The following SBF2 variants were observed in gnomAD, a reference collection of about 807,000 sequenced individuals.
SBF2 encodes the protein SET binding factor 2.
Under a neutral mutation model 225.2 loss-of-function variants are expected in SBF2, and 112 were observed. That is an observed-to-expected ratio of 0.50 (90% CI 0.43 to 0.58). The LOEUF is 0.58. Ranked by LOEUF, SBF2 falls within the 20% of genes least tolerant of loss-of-function variation. The pLI is 0.00. For synonymous variants in SBF2, 763 were observed against 773.3 expected, an observed-to-expected ratio of 0.99 and a Z score of 0.22; for missense variants, 1,996 against 2,206.2, an observed-to-expected ratio of 0.90 and a Z score of 1.91.
At chr11:10,154,960 G>A (rs914663982) in intron 2 of SBF2, among the ~76,000 whole-genome samples, 3 of 152,044 alleles carry the variant, frequency 2.0e-5, no homozygotes, top group African/African-American at 7.2e-5. Context: ...AAGAATGAAA[G>A]TTACCCAGTT....
At chr11:9,938,074 G>A (rs923536216) in intron 16 of SBF2, among the ~76,000 whole-genome samples, 3 of 151,948 alleles carry the variant, frequency 2.0e-5, no homozygotes, top group East Asian at 1.9e-4. Flanking sequence ...GGCGGATCAC[G>A]CGGTCAGGAG....
At chr11:9,905,448 G>T (rs1398312984) in intron 16 of SBF2, among the ~76,000 whole-genome samples, 1 of 152,106 alleles carries the variant, frequency 6.6e-6, no homozygotes, top group Non-Finnish European at 1.5e-5. Context: ...TTTGAATAAC[G>T]ATTTTCATTT....
intron 17 of SBF2, among the ~76,000 whole-genome samples, chr11:9,868,381 G>A (rs1858424304): frequency 1.3e-5 from 2 of 149,464 alleles, no homozygotes; most frequent in Non-Finnish European, 3.0e-5. Flanking sequence ...AGGCGGGTGT[G>A]GTGGCGGGCG....
At chr11:10,274,233 T>A (rs895732341) in intron 1 of SBF2, among the ~76,000 whole-genome samples, 3 of 152,166 alleles carry the variant, frequency 2.0e-5, no homozygotes, top group Non-Finnish European at 4.4e-5. Context: ...AGGCAGGCGC[T>A]CCTTCCGCTG....
chr11:10,109,156 T>C (rs1952717925), intron 2 of SBF2, among the ~76,000 whole-genome samples: 1 of 151,946 alleles, frequency 6.6e-6, no homozygotes, highest in Non-Finnish European at 1.5e-5. Context: ...GGCATTTTTT[T>C]CTATTCCACA....
chr11:10,033,185 T>C (rs1389170923), intron 3 of SBF2, among the ~76,000 whole-genome samples: 1 of 152,196 alleles, frequency 6.6e-6, no homozygotes, highest in Non-Finnish European at 1.5e-5. Flanking sequence ...ATCATATTCT[T>C]CATGGATTAC....
At chr11:9,870,483 C>G (rs1393470143) in intron 17 of SBF2, among the ~76,000 whole-genome samples, 1 of 152,190 alleles carries the variant, frequency 6.6e-6, no homozygotes, top group Non-Finnish European at 1.5e-5. Context: ...ACCCAAACAG[C>G]ATGGTATTGG....
At chr11:9,984,035 A>C (rs140262531) in intron 13 of SBF2, among the ~76,000 whole-genome samples, 5 of 152,298 alleles carry the variant, frequency 3.3e-5, no homozygotes, top group African/African-American at 4.8e-5. Context: ...ACATCCCCCC[A>C]AAAATCACAC....
At chr11:10,134,859 G>T (rs1228932398) in intron 2 of SBF2, among the ~76,000 whole-genome samples, 1 of 152,208 alleles carries the variant, frequency 6.6e-6, no homozygotes, top group African/African-American at 2.4e-5. Context: ...GCTGTCGGTG[G>T]ATCTACCATT....
chr11:10,214,849 A>T (rs1156540090), intron 1 of SBF2, among the ~76,000 whole-genome samples: 2 of 152,328 alleles, frequency 1.3e-5, no homozygotes, highest in East Asian at 3.9e-4. Flanking sequence ...ATGGTCCAGG[A>T]TCAGAATCCA....
intron 2 of SBF2, among the ~76,000 whole-genome samples, chr11:10,081,082 C>T (rs1951346455): frequency 1.3e-5 from 2 of 152,016 alleles, no homozygotes; most frequent in Non-Finnish European, 2.9e-5. Flanking sequence ...GGACTTTAGA[C>T]CAAGTGGACC....
At chr11:10,060,275 C>A (rs1590861439) in intron 2 of SBF2, among the ~76,000 whole-genome samples, 1 of 152,044 alleles carries the variant, frequency 6.6e-6, no homozygotes. Context: ...AACTAGAAAA[C>A]CTTGAAGAGA....
chr11:10,019,358 G>C (rs1216982528), intron 6 of SBF2, among the ~76,000 whole-genome samples: 3 of 152,176 alleles, frequency 2.0e-5, no homozygotes, highest in African/African-American at 7.2e-5. Flanking sequence ...AAGTGCCCCA[G>C]AGTGGGCTAG....
intron 1 of SBF2, among the ~76,000 whole-genome samples, chr11:10,283,039 T>C (rs181979142): frequency 1.3e-5 from 2 of 152,348 alleles, no homozygotes; most frequent in Admixed American, 1.3e-4. Flanking sequence ...CAAATGTTTA[T>C]GCATACCATA....
chr11:10,186,953 T>C (rs1428257933), intron 2 of SBF2, among the ~76,000 whole-genome samples: 1 of 152,168 alleles, frequency 6.6e-6, no homozygotes, highest in Admixed American at 6.5e-5. Flanking sequence ...AGGGAAACAA[T>C]CTTTGGATTC....
chr11:9,863,973 A>G (rs1460436536), intron 17 of SBF2, among the ~76,000 whole-genome samples: 1 of 152,208 alleles, frequency 6.6e-6, no homozygotes, highest in African/African-American at 2.4e-5. Flanking sequence ...TATATAACTC[A>G]TATTTCATCT....
intron 22 of SBF2, 52 bp from the exon 23 acceptor site, chr11:9,847,135 T>TAGAGTAAAAGTA: frequency 6.2e-7 from 1 of 1,607,388 alleles, no homozygotes. Context: ...AGCTCACTTT[T>TAGAGTAAAAGTA]AGAGTGTCTA....
chr11:10,036,926 C>A (rs1034250537), intron 3 of SBF2, among the ~76,000 whole-genome samples: 2 of 152,114 alleles, frequency 1.3e-5, no homozygotes, highest in African/African-American at 2.4e-5. Flanking sequence ...CCCTTCCTAG[C>A]CTGAAATAGT....
intron 2 of SBF2, among the ~76,000 whole-genome samples, chr11:10,191,535 A>C (rs746852837): frequency 2.0e-5 from 3 of 152,232 alleles, no homozygotes; most frequent in Non-Finnish European, 4.4e-5. Context: ...GAAAAGGAAA[A>C]AGAAAATTTC....
Sources: gnomAD v4.1 joint callset for allele counts (sites outside exome capture counted in the v4.1 genomes callset) on GRCh38, gnomAD v4.1.1 for gene constraint, MANE v1.5 for transcripts, NCBI Gene and HGNC (gene_info 2026-07-23, HGNC 2026-07-21) for gene names.